The following DOCK8 variants were observed in gnomAD, a reference collection of about 807,000 sequenced individuals.
DOCK8 encodes dedicator of cytokinesis protein 8.
A neutral mutation model predicts 245.6 loss-of-function variants in DOCK8; 141 were observed. The ratio of observed to expected loss-of-function variants is 0.57; its 90% CI spans 0.50 to 0.66. DOCK8 has a LOEUF of 0.66. Among genes scored for constraint, DOCK8 ranks in the 30% least tolerant of loss-of-function variants. The pLI, the probability that DOCK8 is intolerant of heterozygous loss-of-function variation, is 0.00. For missense variants in DOCK8, 2,965 were observed against 2,603.4 expected (o/e 1.14, Z -3.02); for synonymous variants, 1,168 against 970.2 (o/e 1.20, Z -3.79).
rs115730284 is a variant in DOCK8, at chr9:256,545, T to A, written c.54-15082T>A. ...CATAAAGATGTCAAATTTAGAAGCC[T>A]CAGAGAGATTTCCTTTGCTCTGTGA... On this transcript the variant is annotated intron_variant, in intron 1 of 47. Coordinates refer to ENST00000432829, the MANE Select transcript of DOCK8 (RefSeq NM_203447.4). Among the ~76,000 whole-genome samples, 1,314 of 152,314 alleles carry A rather than the reference T, an allele frequency of 8.6e-3. 11 individuals are homozygous for A. The highest frequency in any genetic ancestry group is 0.029 in the African/African-American group (1,202 of 41,562).
intron 4 of DOCK8, among the ~76,000 whole-genome samples, chr9:294,707 A>C (rs987953511): frequency 1.3e-5 from 2 of 152,350 alleles, no homozygotes; most frequent in South Asian, 4.1e-4. Flanking sequence ...TGTAATTGCC[A>C]AAAACTGGAA....
At chr9:301,010 T>G (rs995910647) in intron 4 of DOCK8, among the ~76,000 whole-genome samples, 1 of 152,236 alleles carries the variant, frequency 6.6e-6, no homozygotes, top group Non-Finnish European at 1.5e-5. Context: ...AGCATCATTC[T>G]GATACCAAAA....
chr9:280,119 A>AG (rs34324925), intron 2 of DOCK8, among the ~76,000 whole-genome samples: 25,729 of 152,162 alleles, frequency 0.17, 2,370 homozygotes, highest in African/African-American at 0.22. Context: ...GACATGTGTT[A>AG]GGGGCAAGGG....
chr9:325,530 C>T (rs1273122109), intron 7 of DOCK8, 141 bp from the exon 8 acceptor site: 12 of 734,760 alleles, frequency 1.6e-5, no homozygotes, highest in East Asian at 5.1e-5. Context: ...TATCCCAGTG[C>T]GATTCTCATA....
chr9:401,037 C>T (rs1208754064), intron 26 of DOCK8, among the ~76,000 whole-genome samples: 1 of 148,074 alleles, frequency 6.8e-6, no homozygotes, highest in Non-Finnish European at 1.5e-5. Flanking sequence ...TTCACCTCCA[C>T]CATCACTTCT....
At chr9:215,496 T>C in intron 1 of DOCK8, 1 of 1,446,360 alleles carries the variant, frequency 6.9e-7, no homozygotes, top group African/African-American at 1.5e-5. Context: ...CCTTCTGTCG[T>C]CCTGAGCAAG....
rs758838588 is a variant in DOCK8, at chr9:312,247, C to G, written c.741+81C>G. 2.7e-6 allele frequency: 4 copies of G among 1,499,468 alleles called. No individual in the cohort carries two copies. In the South Asian group the frequency reaches 4.7e-5, roughly 18 times the overall value. 92.9% of individuals were successfully genotyped at this position (1,499,468 alleles called of 1,614,324 possible). A position where few individuals can be genotyped will look rare whatever the true frequency, so the allele number is the denominator to read the frequency against. ...TGGACAATTGTGTTGTTCATTATTA[C>G]TATATAGCAGCCCATGGTGTCAGGG... is the stretch of plus-strand genomic sequence containing the variant. On this transcript the variant is annotated intron_variant, in intron 6 of 47. Transcript: ENST00000432829.
chr9:344,472 C>T (rs1320894496), intron 14 of DOCK8, among the ~76,000 whole-genome samples: 2 of 152,118 alleles, frequency 1.3e-5, no homozygotes, highest in African/African-American at 4.8e-5. Flanking sequence ...CTGCACCTCC[C>T]CCCATTCACG....
chr9:231,561 T>C (rs368429378), intron 1 of DOCK8, among the ~76,000 whole-genome samples: 2 of 152,178 alleles, frequency 1.3e-5, no homozygotes, highest in African/African-American at 4.8e-5. Flanking sequence ...TTTGTTTGTA[T>C]CCTCTTTTAT....
rs10758575 is a variant in DOCK8 at position 430,063 on chromosome 9, A to G, written c.4626+209A>G. Among the ~76,000 whole-genome samples the G allele has an allele frequency of 0.64, 97,388 of 152,194 alleles. 33,186 individuals carry two copies. Among genetic ancestry groups the G allele is most frequent in the East Asian group, 0.98 (5,106 of 5,192 alleles). On this transcript the variant is annotated intron_variant, in intron 36 of 47. Transcript: ENST00000432829. ...TCATCAGATAAATGCAGTGGTCTCT[A>G]TCAGTGTGTTTCTAAAATAGACAGC...
At chr9:407,111 A>T (rs1192153549) in intron 28 of DOCK8, 42 bp downstream of exon 28, 1 of 1,613,684 alleles carries the variant, frequency 6.2e-7, no homozygotes, top group African/African-American at 1.3e-5. Flanking sequence ...AGCCAAAAAA[A>T]CAGATGTTCT....
chr9:220,659 G>A, intron 1 of DOCK8: 1 of 361,490 alleles, frequency 2.8e-6, no homozygotes, highest in South Asian at 2.1e-5. Flanking sequence ...TTTGATAAAG[G>A]GTTAAAGCAA....
intron 20 of DOCK8, 75 bp from the exon 21 acceptor site, chr9:379,696 G>A: frequency 5.8e-6 from 9 of 1,543,848 alleles, no homozygotes; most frequent in Non-Finnish European, 8.0e-6. Flanking sequence ...CATTGTCACT[G>A]TCCTGGAGAA....
At position 271,714 on chromosome 9, in the gene DOCK8, C is replaced by T. The variant is rs550125487; in HGVS notation, c.141C>T (p.Phe47=). Residue 47 remains phenylalanine, a synonymous_variant, in exon 2 of 48, where the codon TTC becomes TTT. Coordinates refer to ENST00000432829, the MANE Select transcript of DOCK8 (RefSeq NM_203447.4). ...YHRQSISTSG[F]PSLQLPQFYD... is the part of the protein sequence containing the mutation. Reference sequence around the variant, plus strand: ...GACAGAGCATAAGTACCTCTGGCTTCCCCTCTCTTCAACTAGTAAGTATGA... The same window carrying T: ...GACAGAGCATAAGTACCTCTGGCTTTCCCTCTCTTCAACTAGTAAGTATGA... 6.4e-7 allele frequency: 1 copy of T among 1,551,376 alleles called. No homozygotes were observed. Among genetic ancestry groups the T allele is most frequent in the Non-Finnish European group, 8.7e-7 (1 of 1,146,538 alleles).
At chr9:395,168 G>A (rs1365009155) in intron 24 of DOCK8, among the ~76,000 whole-genome samples, 1 of 152,066 alleles carries the variant, frequency 6.6e-6, no homozygotes, top group African/African-American at 2.4e-5. Flanking sequence ...CGGCCTTGTG[G>A]GATATGAAGC....
rs538567198 is a variant in DOCK8 at position 425,402 on chromosome 9, G to T, written c.4242-1483G>T. Among the ~76,000 whole-genome samples the T allele has an allele frequency of 1.3e-4, 20 of 152,092 alleles. 1 individual carries two copies. The South Asian group carries it at 3.3e-3, about 25-fold the overall frequency. ...AAAAAAGTAGCCGGGCGCGGTGGCG[G>T]GCGCCTGTAGTCCCAGCTACTCGGG... On this transcript the variant is annotated intron_variant, in intron 33 of 47. Transcript: ENST00000432829.
intron 1 of DOCK8, among the ~76,000 whole-genome samples, chr9:230,301 C>T (rs1385358313): frequency 2.6e-5 from 4 of 151,188 alleles, no homozygotes; most frequent in Middle Eastern, 3.2e-3. Context: ...TCCAGTCTAT[C>T]GTTGGGCATT....
At chr9:224,445 G>C (rs1411906541) in intron 1 of DOCK8, among the ~76,000 whole-genome samples, 1 of 152,152 alleles carries the variant, frequency 6.6e-6, no homozygotes, top group East Asian at 1.9e-4. Flanking sequence ...TGTGATATTT[G>C]CTCAGAAGTC....
Position 420,410 on chromosome 9 carries a change from C to G in DOCK8, c.3850C>G (p.Gln1284Glu). 1 of 1,614,162 alleles carries G rather than the reference C, an allele frequency of 6.2e-7. No individual in the cohort carries two copies. Among genetic ancestry groups the G allele is most frequent in the African/African-American group, 1.3e-5 (1 of 75,052 alleles). The change falls in exon 31 of 48, where the codon CAG becomes GAG. Residue 1284 changes from glutamine (Q) to glutamate (E), a missense_variant. Gln to Glu is a conservative substitution (Grantham distance 29, BLOSUM62 2). Around this residue, in one of 3 missense-constraint regions of DOCK8, gnomAD observed 2,825 missense variants for 2,453.5 expected, o/e 1.15. Transcript: ENST00000432829. ...GIVLSSLPYK[Q>E]YNMLNADTTR... ...ATCTGCCTCCCTTCAGCCCTATAAG[C>G]AGTACAACATGCTGAACGCGGACAC... is the stretch of plus-strand genomic sequence containing the variant.
Sources: gnomAD v4.1 joint callset for allele counts (sites outside exome capture counted in the v4.1 genomes callset) on GRCh38, gnomAD v4.1.1 for gene constraint, gnomAD v4.1.1 regional missense constraint, MANE v1.5 for transcripts, NCBI Gene and HGNC (gene_info 2026-07-23, HGNC 2026-07-21) for gene names.